Variants in RAD51 observed in about 807,000 individuals in gnomAD.
The protein encoded by RAD51 is DNA repair protein RAD51 homolog 1.
Under a neutral mutation model 41.5 loss-of-function variants are expected in RAD51, and 14 were observed. The ratio of observed to expected loss-of-function variants is 0.34; its 90% CI spans 0.22 to 0.53. RAD51 has a LOEUF of 0.53. RAD51 is among the 20% of genes least tolerant of loss of function. RAD51 has a pLI of 0.95. For synonymous variants in RAD51, 136 were observed against 148.6 expected (o/e 0.92, Z 0.62); for missense variants, 234 against 422.0 (o/e 0.55, Z 3.90).
At chr15:40,725,086 A>G (rs1054613862) in intron 6 of RAD51, among the ~76,000 whole-genome samples, 26 of 151,550 alleles carry the variant, frequency 1.7e-4, no homozygotes, top group African/African-American at 6.1e-4. Flanking sequence ...TTTTTAGTAG[A>G]GACGGGGTTT....
intron 5 of RAD51, among the ~76,000 whole-genome samples, chr15:40,715,473 C>T (rs1295311147): frequency 6.6e-6 from 1 of 152,112 alleles, no homozygotes; most frequent in Non-Finnish European, 1.5e-5. Flanking sequence ...ATAATTTATA[C>T]CAAAGCATAA....
chr15:40,718,570 T>C (rs1050692865), intron 5 of RAD51, among the ~76,000 whole-genome samples: 1 of 152,132 alleles, frequency 6.6e-6, no homozygotes, highest in Non-Finnish European at 1.5e-5. Context: ...GCTATATTTC[T>C]AAGCAGTCCA....
upstream of RAD51, chr15:40,695,056 C>A (rs1894520455): frequency 6.6e-6 from 1 of 152,306 alleles, no homozygotes; most frequent in South Asian, 2.1e-4. Context: ...CAGGATCAAG[C>A]TCTCGAGCTC....
intron 6 of RAD51, among the ~76,000 whole-genome samples, chr15:40,727,410 G>A (rs1896642956): frequency 6.6e-6 from 1 of 152,100 alleles, no homozygotes; most frequent in African/African-American, 2.4e-5. Flanking sequence ...CCGGTTTCAA[G>A]CGATTCTCCT....
chr15:40,704,587 C>G (rs1390563645), intron 3 of RAD51, among the ~76,000 whole-genome samples: 1 of 150,982 alleles, frequency 6.6e-6, no homozygotes, highest in Admixed American at 6.6e-5. Flanking sequence ...GTCTTGAACT[C>G]CTGACTTCGT....
At chr15:40,708,930 T>A (rs2141836219) in intron 4 of RAD51, 95 bp from the exon 5 acceptor site, 1 of 1,134,138 alleles carries the variant, frequency 8.8e-7, no homozygotes, top group South Asian at 1.3e-5. Flanking sequence ...TTAACTTACA[T>A]AAACATCTTT....
intron 6 of RAD51, among the ~76,000 whole-genome samples, chr15:40,725,732 T>C (rs958611163): frequency 6.6e-6 from 1 of 152,038 alleles, no homozygotes; most frequent in East Asian, 1.9e-4. Context: ...CTCACGCCTG[T>C]AATCCCAACA....
chr15:40,711,967 G>A (rs1479054068), intron 5 of RAD51, among the ~76,000 whole-genome samples: 1 of 151,864 alleles, frequency 6.6e-6, no homozygotes, highest in East Asian at 1.9e-4. Flanking sequence ...AGCTACTTGG[G>A]AGGTGGAGGC....
chr15:40,699,121 G>A (rs1032323372), intron 2 of RAD51, among the ~76,000 whole-genome samples: 15 of 152,142 alleles, frequency 9.9e-5, no homozygotes, highest in African/African-American at 3.6e-4. Flanking sequence ...ATCCCATGGT[G>A]GAATCTCTGT....
At chr15:40,697,583 T>TC (rs1293713661) in intron 1 of RAD51, among the ~76,000 whole-genome samples, 2 of 141,752 alleles carry the variant, frequency 1.4e-5, no homozygotes, top group Non-Finnish European at 3.0e-5. Flanking sequence ...TCTTTTTTTT[T>TC]TTTTTTTTTT....
intron 3 of RAD51, among the ~76,000 whole-genome samples, chr15:40,704,892 A>G (rs550193384): frequency 6.6e-6 from 1 of 150,590 alleles, no homozygotes; most frequent in South Asian, 2.1e-4. Flanking sequence ...CTGGTCTTGA[A>G]CTCCTGACCT....
intron 4 of RAD51, among the ~76,000 whole-genome samples, chr15:40,708,577 A>ATTTGTTTGTTTG (rs45626433): frequency 1.3e-5 from 2 of 149,944 alleles, no homozygotes; most frequent in African/African-American, 4.9e-5. Context: ...CTTTTGGTTT[A>ATTTGTTTGTTTG]TTTGTTTGTT....
intron 5 of RAD51, among the ~76,000 whole-genome samples, chr15:40,710,537 G>GA (rs1001383910): frequency 1.3e-5 from 2 of 148,160 alleles, no homozygotes; most frequent in African/African-American, 5.0e-5. Context: ...ATGAAAAAAG[G>GA]AAAAAAATTC....
chr15:40,700,974 G>GGGACAGTTGTATTA, intron 2 of RAD51, 90 bp from the exon 3 acceptor site: 1 of 1,218,468 alleles, frequency 8.2e-7, no homozygotes, highest in Non-Finnish European at 1.2e-6. Flanking sequence ...AAGTCTTCAA[G>GGGACAGTTGTATTA]CACCTCTGTG....
chr15:40,705,833 C>T (rs1361387928), intron 3 of RAD51, among the ~76,000 whole-genome samples: 1 of 152,150 alleles, frequency 6.6e-6, no homozygotes, highest in African/African-American at 2.4e-5. Context: ...GTCTCGATCT[C>T]CTGACGTTGT....
intron 5 of RAD51, 82 bp from the exon 6 acceptor site, chr15:40,718,723 A>G: frequency 2.5e-6 from 3 of 1,196,596 alleles, no homozygotes; most frequent in Admixed American, 1.7e-5. Context: ...CCTTGGAGGA[A>G]TTATAAAGAT....
intron 5 of RAD51, among the ~76,000 whole-genome samples, chr15:40,710,269 A>AAAAGAG (rs1555427504): frequency 5.7e-5 from 6 of 104,362 alleles, no homozygotes; most frequent in African/African-American, 2.6e-4. Flanking sequence ...AAAAAAAAAA[A>AAAAGAG]AGAAGAAGAA....
At chr15:40,709,371 CTTTTTT>C (rs772005920) in intron 5 of RAD51, among the ~76,000 whole-genome samples, 1 of 110,936 alleles carries the variant, frequency 9.0e-6, no homozygotes, top group Non-Finnish European at 1.8e-5. Flanking sequence ...TTACTTGCTA[CTTTTTT>C]TTTTTTTTTT....
At chr15:40,697,578 T>TTC (rs1555425952) in intron 1 of RAD51, among the ~76,000 whole-genome samples, 1 of 139,654 alleles carries the variant, frequency 7.2e-6, no homozygotes, top group Non-Finnish European at 1.5e-5. Context: ...ATATTTCTTT[T>TTC]TTTTTTTTTT....
Sources: gnomAD v4.1 joint callset for allele counts (sites outside exome capture counted in the v4.1 genomes callset) on GRCh38, gnomAD v4.1.1 for gene constraint, MANE v1.5 for transcripts, NCBI Gene and HGNC (gene_info 2026-07-23, HGNC 2026-07-21) for gene names.